Variants in ANKRD26 observed in about 807,000 individuals in gnomAD.
The protein encoded by ANKRD26 is ankyrin repeat domain-containing protein 26.
ANKRD26 carries 141 observed loss-of-function variants against 208.7 expected under a neutral mutation model. The observed-to-expected ratio is 0.68, with a 90% confidence interval of 0.59 to 0.78. ANKRD26 has a LOEUF of 0.78. ANKRD26 is among the 30% of genes least tolerant of loss of function. The pLI, the probability that ANKRD26 is intolerant of heterozygous loss-of-function variation, is 0.00. For synonymous variants in ANKRD26, 636 were observed against 660.4 expected, an observed-to-expected ratio of 0.96 and a Z score of 0.57; for missense variants, 1,889 against 1,938.7, an observed-to-expected ratio of 0.97 and a Z score of 0.48.
At chr10:26,991,417 G>C (rs1269665388), downstream of ANKRD26, among the ~76,000 whole-genome samples, 1 of 152,110 alleles carries the variant, frequency 6.6e-6, no homozygotes, top group Non-Finnish European at 1.5e-5. Context: ...AAAAGGGAAA[G>C]GGTAGATATT....
rs2055809744 is a variant in ANKRD26 at position 27,079,124 on chromosome 10, T to C, written c.778A>G (p.Thr260Ala). Reference protein sequence around the residue: ...GKPGVDDSWPTSDDEDLNFDT... With the variant: ...GKPGVDDSWPASDDEDLNFDT... ...AAATTGAGGTCTTCGTCATCTGAGG[T>C]AGGCCATGAATCATCAACACCCGGT... The change falls in exon 7 of 34, where the codon ACC (threonine) becomes GCC (alanine). Residue 260 changes from threonine to alanine, a missense_variant. Transcript: ENST00000376087. 9 of 1,613,844 alleles carry C rather than the reference T, an allele frequency of 5.6e-6. No individual in the cohort carries two copies. The highest frequency in any genetic ancestry group is 1.1e-5 in the South Asian group (1 of 91,076).
intron 27 of ANKRD26, among the ~76,000 whole-genome samples, chr10:27,025,493 G>A (rs767294034): frequency 6.6e-6 from 1 of 151,792 alleles, no homozygotes; most frequent in Non-Finnish European, 1.5e-5. Context: ...TTTAATACAC[G>A]GTCTCATCTA....
Position 27,035,229 on chromosome 10 carries a change from T to C in ANKRD26, c.3221A>G (p.Asn1074Ser), listed in dbSNP as rs1427554177. The part of the protein sequence containing the change: ...QQLFKTESKL[N>S]SLEIEFHHTR... ...GTGATGGAACTCAATTTCTAGGCTA[T>C]TGAGTTTACTTTCAGTTTTAAATAG... is the stretch of plus-strand genomic sequence containing the variant. The change falls in exon 24 of 34, where the codon AAT becomes AGT. Residue 1074 changes from asparagine to serine, a missense_variant. Asn to Ser is a conservative substitution (Grantham distance 46, BLOSUM62 1). Transcript: ENST00000376087. 7 of 1,614,090 alleles carry C rather than the reference T, an allele frequency of 4.3e-6. 1 individual carries two copies. Among genetic ancestry groups the C allele is most frequent in the East Asian group, 2.2e-5 (1 of 44,878 alleles).
downstream of ANKRD26, among the ~76,000 whole-genome samples, chr10:26,969,679 T>C (rs2052115290): frequency 1.3e-5 from 2 of 152,212 alleles, no homozygotes; most frequent in African/African-American, 2.4e-5. Flanking sequence ...TGGCATTAAA[T>C]GGCCTCTGAA....
intron 4 of ANKRD26, among the ~76,000 whole-genome samples, chr10:26,981,897 G>T (rs1389742296): frequency 6.6e-6 from 1 of 152,054 alleles, no homozygotes; most frequent in Non-Finnish European, 1.5e-5. Context: ...GCGCAGGAGG[G>T]GCTGACCTGT....
intron 4 of ANKRD26, among the ~76,000 whole-genome samples, chr10:27,090,075 C>G (rs1409906106): frequency 6.6e-6 from 1 of 152,102 alleles, no homozygotes; most frequent in East Asian, 1.9e-4. Context: ...GAAAAAACAT[C>G]AAAACTCTGC....
rs74128550 is a variant in ANKRD26, at chr10:27,045,744, A to G, written c.1985+609T>C. Among the ~76,000 whole-genome samples, 472 of 152,320 alleles carry G rather than the reference A, an allele frequency of 3.1e-3. 4 individuals carry two copies. Among genetic ancestry groups the G allele is most frequent in the African/African-American group, 0.011 (447 of 41,572 alleles). On this transcript the variant is annotated intron_variant, in intron 18 of 33. Transcript: ENST00000376087. ...AATTCAGTATGGCCTATATGTTTGC[A>G]TGTTTATTATTAGATAATTTTTTAA...
At chr10:26,999,676 T>A (rs2052675739), downstream of ANKRD26, among the ~76,000 whole-genome samples, 1 of 152,028 alleles carries the variant, frequency 6.6e-6, no homozygotes, top group South Asian at 2.1e-4. Context: ...TGATTCTCAG[T>A]CACATGAGAA....
intron 1 of ANKRD26, among the ~76,000 whole-genome samples, chr10:27,095,241 T>G (rs1346926974): frequency 6.6e-6 from 1 of 152,216 alleles, no homozygotes; most frequent in Non-Finnish European, 1.5e-5. Context: ...GTTGGCTCAT[T>G]TTATTCAATA....
chr10:26,972,672 G>A (rs2052168024), downstream of ANKRD26, among the ~76,000 whole-genome samples: 1 of 147,980 alleles, frequency 6.8e-6, no homozygotes, highest in East Asian at 2.0e-4. Flanking sequence ...CTCACTGCAA[G>A]TTCCGCCTCC....
chr10:27,054,029 C>T (rs10764665), intron 15 of ANKRD26, among the ~76,000 whole-genome samples: 78,300 of 151,942 alleles, frequency 0.52, 22,501 homozygotes, highest in Non-Finnish European at 0.65. Flanking sequence ...AAGACTAAGA[C>T]AGCTATGTGA....
Position 27,092,885 on chromosome 10 carries a change from C to A in ANKRD26, c.532-373G>T, listed in dbSNP as rs943834498. The stretch of plus-strand genomic sequence containing the variant: ...ATCACCTGAGGTCAGGAGTTCGAGG[C>A]CCGCCTGGCCAACATGGCAAAACCC... On this transcript the variant is annotated intron_variant, in intron 3 of 33. Coordinates refer to ENST00000376087, the MANE Select transcript of ANKRD26 (RefSeq NM_014915.3). Among the ~76,000 whole-genome samples, 3 of 152,226 alleles carry A rather than the reference C, an allele frequency of 2.0e-5. No individual in the cohort carries two copies. The South Asian group carries it at 6.2e-4, about 32-fold the overall frequency.
chr10:27,092,582 G>A, intron 3 of ANKRD26, 70 bp from the exon 4 acceptor site: 3 of 1,155,290 alleles, frequency 2.6e-6, no homozygotes, highest in Non-Finnish European at 3.8e-6. Flanking sequence ...AAAACTCTAT[G>A]TCAGATCCTT....
At chr10:27,021,490 A>G (rs68087481) in intron 29 of ANKRD26, among the ~76,000 whole-genome samples, 14,279 of 152,242 alleles carry the variant, frequency 0.094, 795 homozygotes, top group East Asian at 0.28. Flanking sequence ...TCTAACTGGA[A>G]TAAGATCATA....
chr10:27,098,728 T>C (rs980658046), intron 1 of ANKRD26, among the ~76,000 whole-genome samples: 9 of 151,944 alleles, frequency 5.9e-5, no homozygotes, highest in African/African-American at 9.7e-5. Flanking sequence ...TTTTTGTATT[T>C]TTAGTAGAAA....
chr10:27,099,953 G>C, intron 1 of ANKRD26, 132 bp downstream of exon 1: 3 of 1,424,994 alleles, frequency 2.1e-6, no homozygotes, highest in Non-Finnish European at 2.9e-6. Flanking sequence ...AGCCCTGCAA[G>C]GTGTCACCGT....
At position 27,066,336 on chromosome 10, in the gene ANKRD26, A is replaced by T. The variant is rs2055245154; in HGVS notation, c.1269+151T>A. 6 of 516,030 alleles carry T rather than the reference A, an allele frequency of 1.2e-5. No homozygotes were observed. In the Admixed American group the frequency reaches 2.2e-4, roughly 19 times the overall value. 32.0% of individuals were successfully genotyped at this position (516,030 alleles called of 1,614,324 possible). A position where few individuals can be genotyped will look rare whatever the true frequency, so the allele number is the denominator to read the frequency against. On this transcript the variant is annotated intron_variant, in intron 11 of 33. Transcript: ENST00000376087. The stretch of plus-strand genomic sequence containing the variant: ...TATGCAGCAGTAATATACTTAGCAC[A>T]TACTTTATTAATTATGAACTGAAAA...
the ANKRD26 span, among the ~76,000 whole-genome samples, chr10:26,960,344 C>A: frequency 1.3e-5 from 2 of 152,180 alleles, no homozygotes; most frequent in African/African-American, 4.8e-5. Flanking sequence ...TGCCGAAGGG[C>A]CACGTGGAGA....
At chr10:27,029,207 G>A in intron 26 of ANKRD26, 79 bp downstream of exon 26, 1 of 1,451,830 alleles carries the variant, frequency 6.9e-7, no homozygotes, top group Non-Finnish European at 9.5e-7. Flanking sequence ...TATGATCATA[G>A]CTGATATAAT....
Sources: gnomAD v4.1 joint callset for allele counts (sites outside exome capture counted in the v4.1 genomes callset) on GRCh38, gnomAD v4.1.1 for gene constraint, MANE v1.5 for transcripts, NCBI Gene and HGNC (gene_info 2026-07-23, HGNC 2026-07-21) for gene names.